The following LRP1 variants were observed in gnomAD, a reference collection of about 807,000 sequenced individuals.
LRP1 encodes prolow-density lipoprotein receptor-related protein 1.
Under a neutral mutation model 541.5 loss-of-function variants are expected in LRP1, and 51 were observed. The ratio of observed to expected loss-of-function variants is 0.09; its 90% CI spans 0.08 to 0.12. The LOEUF (loss-of-function observed/expected upper bound fraction) is 0.12, where lower values mean the gene tolerates loss of function less well. Among genes scored for constraint, LRP1 ranks in the 10% least tolerant of loss-of-function variants. The pLI is 1.00. For synonymous variants in LRP1, 2,219 were observed against 2,470.8 expected (o/e 0.90, Z 3.02); for missense variants, 3,878 against 6,376.2 (o/e 0.61, Z 13.34).
rs1565735147 is a variant in LRP1, at chr12:57,177,672, G to A, written c.4361+81G>A. 4 of 1,480,216 alleles carry A rather than the reference G, an allele frequency of 2.7e-6. No individual in the cohort carries two copies. In the African/African-American group the frequency reaches 5.5e-5, roughly 21 times the overall value. The allele number at this position is 1,480,216 out of a possible 1,614,324, so 91.7% of individuals were successfully genotyped here. ...GGGAGGAACCTGTGGTGATGAGGGTGATGAGAAGGACCAAGGGATCTAGAA... is the reference window on the plus strand; with the variant it reads ...GGGAGGAACCTGTGGTGATGAGGGTAATGAGAAGGACCAAGGGATCTAGAA... On this transcript the variant is annotated intron_variant, in intron 26 of 88. Coordinates refer to ENST00000243077, the MANE Select transcript of LRP1 (RefSeq NM_002332.3). This position sits in a 1 kb window ranked among gnomAD's most constrained non-coding sequence, Gnocchi z 6.8.
rs2035987599 is a variant in LRP1 at position 57,173,691 on chromosome 12, C to T, written c.3347-89C>T. 1 of 1,402,224 alleles carries T rather than the reference C, an allele frequency of 7.1e-7. No homozygotes were observed. The highest frequency in any genetic ancestry group is 2.3e-5 in the East Asian group (1 of 43,774). 86.9% of individuals were successfully genotyped at this position (1,402,224 alleles called of 1,614,324 possible). On this transcript the variant is annotated intron_variant, in intron 21 of 88. Transcript: ENST00000243077. The surrounding 1 kb of genome is among the most constrained non-coding windows in gnomAD (Gnocchi z 4.7). ...ACCCCACAGCGTTGCAATCCTGACC[C>T]TATTAGAGAAGCCCACAGGGTCTGG...
Position 57,145,432 on chromosome 12 carries a change from G to A in LRP1, c.783G>A (p.Met261Ile). ...AAQTQLKCAR[M>I]PGLKGFVDEH... Reference sequence around the variant, plus strand: ...AGACGCAGCTCAAGTGTGCCCGCATGCCTGGCCTAAAGGGCTTCGTGGATG... The same window carrying A: ...AGACGCAGCTCAAGTGTGCCCGCATACCTGGCCTAAAGGGCTTCGTGGATG... The change falls in exon 6 of 89, where the codon ATG becomes ATA. Residue 261 changes from methionine (M) to isoleucine (I), a missense_variant. Physicochemically the swap from Met to Ile is conservative, Grantham distance 10. This residue lies in a region of LRP1 where 293 missense variants were observed against 403.7 expected (regional missense o/e 0.73). Transcript: ENST00000243077. 1 of 1,614,148 alleles carries A rather than the reference G, an allele frequency of 6.2e-7. No individual in the cohort carries two copies. Among genetic ancestry groups the A allele is most frequent in the East Asian group, 2.2e-5 (1 of 44,874 alleles).
chr12:57,165,761 A>G lies in LRP1; in HGVS notation c.2531-44A>G. On this transcript the variant is annotated intron_variant, in intron 15 of 88. Coordinates refer to ENST00000243077, the MANE Select transcript of LRP1 (RefSeq NM_002332.3). This position sits in a 1 kb window ranked among gnomAD's most constrained non-coding sequence, Gnocchi z 4.5. ...CAAAGGGCTTAGTACTTGTCCCACG[A>G]CCGGGGTCTGACTTTCCCCCTCACG... is the stretch of plus-strand genomic sequence containing the variant. 6.3e-7 allele frequency: 1 copy of G among 1,596,588 alleles called. No homozygotes were observed.
intron 55 of LRP1, among the ~76,000 whole-genome samples, chr12:57,196,561 T>G (rs980305605): frequency 2.0e-5 from 3 of 151,916 alleles, no homozygotes; most frequent in Admixed American, 1.3e-4. Context: ...GAGAGGGAAG[T>G]CTGGGAGTTA....
chr12:57,211,714 G>T lies in LRP1; in HGVS notation c.13194-36G>T, dbSNP rs769312815. 4 of 1,611,338 alleles carry T rather than the reference G, an allele frequency of 2.5e-6. No homozygotes were observed. The Admixed American group carries it at 6.7e-5, about 27-fold the overall frequency. ...TTTCCTGGCAGCAGTGGCTATGGAG[G>T]TTATACCTACTCAGCCGTGTCCCTC... On this transcript the variant is annotated intron_variant, in intron 85 of 88. Transcript: ENST00000243077. This position sits in a 1 kb window ranked among gnomAD's most constrained non-coding sequence, Gnocchi z 4.3.
chr12:57,207,236 C>T lies in LRP1; in HGVS notation c.11859+495C>T, dbSNP rs1215237606. Among the ~76,000 whole-genome samples the T allele has an allele frequency of 2.8e-5, 4 of 141,130 alleles. No homozygotes were observed. The East Asian group carries it at 6.2e-4, about 22-fold the overall frequency. 92.6% of individuals were successfully genotyped at this position (141,130 alleles called of 152,430 possible). ...CCAGCCTGGGCGAGAGAGTGAGACT[C>T]GGTCTCTAAATAAATAAATAAATAA... is the stretch of plus-strand genomic sequence containing the variant. On this transcript the variant is annotated intron_variant, in intron 76 of 88. Coordinates refer to ENST00000243077, the MANE Select transcript of LRP1 (RefSeq NM_002332.3).
At chr12:57,164,085 C>A (rs1276964954) in intron 15 of LRP1, among the ~76,000 whole-genome samples, 1 of 152,170 alleles carries the variant, frequency 6.6e-6, no homozygotes, top group Non-Finnish European at 1.5e-5. Context: ...GCAGGAGAAT[C>A]GCTTGAACCT....
Position 57,183,506 on chromosome 12 carries a change from C to T in LRP1, c.5790C>T (p.His1930=), listed in dbSNP as rs560161034. 6.2e-6 allele frequency: 10 copies of T among 1,612,730 alleles called. No homozygotes were observed. In the East Asian group the frequency reaches 6.7e-5, roughly 11 times the overall value. The part of the protein sequence containing the change: ...GTSLAVGIDF[H]AENDTIYWVD... ...CGCTGGCTGTCGGCATCGACTTCCA[C>T]GCTGGTGAGCCATTTGGTGGCAGAG... Residue 1930 remains histidine (H), a synonymous_variant, in exon 35 of 89, where the codon CAC becomes CAT. Coordinates refer to ENST00000243077, the MANE Select transcript of LRP1 (RefSeq NM_002332.3). The surrounding 1 kb of genome is among the most constrained non-coding windows in gnomAD (Gnocchi z 6.1).
rs2036101762 is a variant in LRP1 at position 57,178,815 on chromosome 12, G to A, written c.4607-75G>A. The A allele has an allele frequency of 1.3e-6, 2 of 1,550,176 alleles. No homozygotes were observed. Among genetic ancestry groups the A allele is most frequent in the East Asian group, 2.2e-5 (1 of 44,558 alleles). On this transcript the variant is annotated intron_variant, in intron 27 of 88. Transcript: ENST00000243077. This position sits in a 1 kb window ranked among gnomAD's most constrained non-coding sequence, Gnocchi z 5.8. ...GGAACAGGGGGAGGAGAGTGGGCGA[G>A]GAAGGGGTGGTCCATGTAGGGAGCA...
At position 57,165,020 on chromosome 12, in the gene LRP1, G is replaced by C. The variant is rs1298213164; in HGVS notation, c.2531-785G>C. 1 of 152,292 alleles carries C rather than the reference G, an allele frequency of 6.6e-6. No homozygotes were observed. The highest frequency in any genetic ancestry group is 1.5e-5 in the Non-Finnish European group (1 of 68,134). The allele number at this position is 152,292 out of a possible 1,614,324, so 9.4% of individuals were successfully genotyped here. On this transcript the variant is annotated intron_variant, in intron 15 of 88. Transcript: ENST00000243077. This position sits in a 1 kb window ranked among gnomAD's most constrained non-coding sequence, Gnocchi z 4.5. ...AGCCTGGGAGCCTTCCAGAAGTAGA[G>C]GTTGGTACAGAAGCATGATGTAAGG... is the stretch of plus-strand genomic sequence containing the variant.
At chr12:57,151,816 C>CGT (rs2035531753) in intron 6 of LRP1, among the ~76,000 whole-genome samples, 3 of 151,938 alleles carry the variant, frequency 2.0e-5, no homozygotes, top group East Asian at 1.9e-4. Flanking sequence ...TGCGTATGTG[C>CGT]GTGTGTGTGT....
Position 57,203,541 on chromosome 12 carries a change from C to A in LRP1, c.10951+20C>A. The A allele has an allele frequency of 6.6e-7, 1 of 1,503,844 alleles. No homozygotes were observed. Among genetic ancestry groups the A allele is most frequent in the Non-Finnish European group, 8.9e-7 (1 of 1,119,392 alleles). The allele number at this position is 1,503,844 out of a possible 1,614,324, so 93.2% of individuals were successfully genotyped here. On this transcript the variant is annotated intron_variant, in intron 70 of 88. Coordinates refer to ENST00000243077, the MANE Select transcript of LRP1 (RefSeq NM_002332.3). ...CTGGCGGTGCGCCCCTTGGCTTGGTCTCCCTGGGTCCTCCCTCTGCTGCCC... is the reference window on the plus strand; with the variant it reads ...CTGGCGGTGCGCCCCTTGGCTTGGTATCCCTGGGTCCTCCCTCTGCTGCCC...
rs1485476706 is a variant in LRP1, at chr12:57,156,047, G to A, written c.1228-47G>A. 1.3e-6 allele frequency: 2 copies of A among 1,512,402 alleles called. No homozygotes were observed. Among genetic ancestry groups the A allele is most frequent in the South Asian group, 2.4e-5 (2 of 84,574 alleles). 93.7% of individuals were successfully genotyped at this position (1,512,402 alleles called of 1,614,324 possible). ...TGAGGGGATCTCCAGGACAGAGGGA[G>A]GAACCCCTGTCATCTCATGCTGTCC... On this transcript the variant is annotated intron_variant, in intron 8 of 88. Coordinates refer to ENST00000243077, the MANE Select transcript of LRP1 (RefSeq NM_002332.3). This position sits in a 1 kb window ranked among gnomAD's most constrained non-coding sequence, Gnocchi z 5.2.
At position 57,134,790 on chromosome 12, in the gene LRP1, C is replaced by T. The variant is rs111315149; in HGVS notation, c.68-3669C>T. ...CGCGATCTCAGTTCACTGCAAGCTC[C>T]GCCTCCCCTGGTTCACGCCATTCTC... On this transcript the variant is annotated intron_variant, in intron 1 of 88. Coordinates refer to ENST00000243077, the MANE Select transcript of LRP1 (RefSeq NM_002332.3). Among the ~76,000 whole-genome samples the T allele has an allele frequency of 3.9e-3, 588 of 152,232 alleles. 4 individuals carry two copies. The highest frequency in any genetic ancestry group is 0.014 in the African/African-American group (570 of 41,544).
intron 41 of LRP1, among the ~76,000 whole-genome samples, 175 bp downstream of exon 41, chr12:57,186,083 C>T (rs1368357856): frequency 6.6e-6 from 1 of 152,184 alleles, no homozygotes; most frequent in Non-Finnish European, 1.5e-5. Context: ...TCAGCGTCAG[C>T]CCCCGACTTC....
At position 57,200,973 on chromosome 12, in the gene LRP1, C is replaced by T. The variant is rs1254965175; in HGVS notation, c.10226-61C>T. ...TGTGTCCTCCCTGCTGAGGGATGGG[C>T]ACCCTCTCCCTGCCCCTGAGTCCTC... On this transcript the variant is annotated intron_variant, in intron 64 of 88. Coordinates refer to ENST00000243077, the MANE Select transcript of LRP1 (RefSeq NM_002332.3). 3 of 1,609,362 alleles carry T rather than the reference C, an allele frequency of 1.9e-6. No individual in the cohort carries two copies. The East Asian group carries it at 6.7e-5, about 36-fold the overall frequency.
rs2034972929 is a variant in LRP1, at chr12:57,128,887, C to A, written c.-78C>A. 5 of 1,306,368 alleles carry A rather than the reference C, an allele frequency of 3.8e-6. No homozygotes were observed. In the South Asian group the frequency reaches 5.5e-5, roughly 14 times the overall value. 80.9% of individuals were successfully genotyped at this position (1,306,368 alleles called of 1,614,324 possible). A position where few individuals can be genotyped will look rare whatever the true frequency, so the allele number is the denominator to read the frequency against. On this transcript the variant is annotated 5_prime_UTR_variant, in exon 1 of 89. Transcript: ENST00000243077. ...GAGGGGGAAAGGAGGAAAAGGGGGA[C>A]CCCCCAACTGGGGGGGGTGAAGGAG...
chr12:57,155,763 A>G (rs1006438531), intron 8 of LRP1, among the ~76,000 whole-genome samples: 2 of 152,106 alleles, frequency 1.3e-5, no homozygotes, highest in Non-Finnish European at 2.9e-5. Context: ...AGCCTGAGCA[A>G]CATAGGGAAA....
chr12:57,202,543 T>TGGGGCCCCCCCC lies in LRP1; in HGVS notation c.10711+6_10711+7insGGGGCCCCCCCC. The TGGGGCCCCCCCC allele has an allele frequency of 4.6e-6, 7 of 1,523,618 alleles. No homozygotes were observed. The highest frequency in any genetic ancestry group is 1.8e-4 in the Middle Eastern group (1 of 5,544). 94.4% of individuals were successfully genotyped at this position (1,523,618 alleles called of 1,614,324 possible). On this transcript the variant is annotated splice_region_variant and intron_variant, in intron 68 of 88. Transcript: ENST00000243077. ...CTCCGATGAAGAGAGCTGCAGTACG[T>TGGGGCCCCCCCC]CCCCACCCACCCAGCCCCGCATGAG...
Sources: allele counts gnomAD v4.1 joint callset (sites outside exome capture counted in the v4.1 genomes callset), GRCh38; gene constraint gnomAD v4.1.1; regional missense constraint gnomAD v4.1.1; non-coding constraint Gnocchi (gnomAD v3.1); transcripts MANE v1.5; gene names NCBI Gene and HGNC (gene_info 2026-07-23, HGNC 2026-07-21).